CSMD1: variants seen among roughly 807,000 people sequenced by gnomAD.
CSMD1 encodes the protein CUB and Sushi multiple domains 1, also known as CUB and sushi domain-containing protein 1.
In CSMD1, 213 loss-of-function variants were observed where a neutral mutation model predicts 417.5. That is an observed-to-expected ratio of 0.51 (90% CI 0.46 to 0.57). The LOEUF is 0.57. CSMD1 is among the 20% of genes least tolerant of loss of function. CSMD1 has a pLI of 0.00. For synonymous variants in CSMD1, 2,862 were observed against 1,736.8 expected, an observed-to-expected ratio of 1.65 and a Z score of -16.11; for missense variants, 6,923 against 4,529.7, an observed-to-expected ratio of 1.53 and a Z score of -15.17.
chr8:3,302,607 C>A (rs925816469), intron 25 of CSMD1, among the ~76,000 whole-genome samples: 3 of 152,216 alleles, frequency 2.0e-5, no homozygotes, highest in Admixed American at 1.3e-4. Context: ...GAAGACAACA[C>A]AACTACCCTC....
In CSMD1 at chr8:3,917,866, G is replaced by A. The variant is rs563907058; in HGVS notation, c.818+80037C>T. Among the ~76,000 whole-genome samples, 46 of 151,946 alleles carry A rather than the reference G, an allele frequency of 3.0e-4. No homozygotes were observed. In the South Asian group the frequency reaches 9.6e-3, roughly 32 times the overall value. ...AAGATCTACATGCTTAGAAATTTTA[G>A]GCCTTTAAAATTTTACTTAAATTTT... On this transcript the variant is annotated intron_variant, in intron 5 of 69. Coordinates refer to ENST00000635120, the MANE Select transcript of CSMD1 (RefSeq NM_033225.6).
intron 5 of CSMD1, among the ~76,000 whole-genome samples, chr8:3,840,430 T>G (rs570160210): frequency 6.6e-6 from 1 of 152,296 alleles, no homozygotes; most frequent in Admixed American, 6.5e-5. Context: ...TTTATTTTAT[T>G]GTGTTAGTAG....
intron 3 of CSMD1, among the ~76,000 whole-genome samples, chr8:4,354,870 GT>G (rs1801312650): frequency 4.3e-5 from 5 of 116,992 alleles, no homozygotes; most frequent in African/African-American, 2.8e-4. Flanking sequence ...AATGTAGTGT[GT>G]GTGTGTGTGT....
intron 3 of CSMD1, among the ~76,000 whole-genome samples, chr8:4,372,920 A>G (rs1003550622): frequency 2.6e-5 from 4 of 152,240 alleles, no homozygotes; most frequent in African/African-American, 9.6e-5. Flanking sequence ...TCCCTTAAGC[A>G]TGAGTAGCAC....
intron 3 of CSMD1, among the ~76,000 whole-genome samples, chr8:4,343,765 T>C (rs1361028423): frequency 2.6e-5 from 4 of 152,048 alleles, no homozygotes; most frequent in Non-Finnish European, 5.9e-5. Context: ...CTGGGGCTCA[T>C]CTTTCTCATC....
At chr8:3,804,043 T>C (rs1287147013) in intron 5 of CSMD1, among the ~76,000 whole-genome samples, 1 of 152,148 alleles carries the variant, frequency 6.6e-6, no homozygotes, top group African/African-American at 2.4e-5. Flanking sequence ...TTCTTCTTCC[T>C]CAGCCTCTGA....
At chr8:3,028,984 A>G (rs140149878) in intron 51 of CSMD1, among the ~76,000 whole-genome samples, 21 of 152,314 alleles carry the variant, frequency 1.4e-4, no homozygotes, top group African/African-American at 4.8e-4. Context: ...CAAGATCCCA[A>G]TTAGAACTCT....
chr8:3,670,498 T>C (rs1426215257), intron 7 of CSMD1, among the ~76,000 whole-genome samples: 1 of 138,566 alleles, frequency 7.2e-6, no homozygotes, highest in Non-Finnish European at 1.6e-5. Flanking sequence ...CGTATATATA[T>C]CCCATATATA....
chr8:3,488,915 T>C (rs1001860513), intron 11 of CSMD1, among the ~76,000 whole-genome samples: 3 of 151,912 alleles, frequency 2.0e-5, no homozygotes, highest in Non-Finnish European at 4.4e-5. Context: ...CTAATCATGT[T>C]TTCTGATTTT....
chr8:3,255,673 C>T (rs374587429), intron 26 of CSMD1, among the ~76,000 whole-genome samples: 49 of 152,314 alleles, frequency 3.2e-4, no homozygotes, highest in African/African-American at 8.7e-4. Context: ...GAGCCATGCA[C>T]GGGATATAAT....
At chr8:4,367,593 C>G (rs1490958778) in intron 3 of CSMD1, among the ~76,000 whole-genome samples, 1 of 152,022 alleles carries the variant, frequency 6.6e-6, no homozygotes, top group Non-Finnish European at 1.5e-5. Context: ...TTTTCTAATT[C>G]TGTAAAAAAT....
At chr8:4,660,010 A>C (rs998452692) in intron 1 of CSMD1, among the ~76,000 whole-genome samples, 11 of 151,890 alleles carry the variant, frequency 7.2e-5, no homozygotes, top group African/African-American at 2.7e-4. Flanking sequence ...TTGTAACTAT[A>C]ATTATACTTA....
Position 3,018,617 on chromosome 8 carries a change from T to C in CSMD1, c.7889A>G (p.Asn2630Ser). Reference sequence around the variant, plus strand: ...TGTCAACGTTCCAATCTTGTTGCCATTTGGGGGAAAGGAAAGGCTTCCACA... The same window carrying C: ...TGTCAACGTTCCAATCTTGTTGCCACTTGGGGGAAAGGAAAGGCTTCCACA... ...ISCGSLSFPP[N>S]GNKIGTLTVY... is the part of the protein sequence containing the mutation. The change falls in exon 52 of 70, where the codon AAT becomes AGT. Residue 2630 changes from asparagine to serine, a missense_variant. Physicochemically the swap from Asn to Ser is conservative, Grantham distance 46. Coordinates refer to ENST00000635120, the MANE Select transcript of CSMD1 (RefSeq NM_033225.6). 6.2e-7 allele frequency: 1 copy of C among 1,612,202 alleles called. No individual in the cohort carries two copies. Among genetic ancestry groups the C allele is most frequent in the Non-Finnish European group, 8.5e-7 (1 of 1,179,138 alleles).
At chr8:3,534,749 G>T (rs540734241) in intron 10 of CSMD1, among the ~76,000 whole-genome samples, 1 of 152,278 alleles carries the variant, frequency 6.6e-6, no homozygotes, top group South Asian at 2.1e-4. Context: ...TCCAGGTTGA[G>T]CATATGGCAT....
chr8:4,846,276 T>C (rs924429508), intron 1 of CSMD1, among the ~76,000 whole-genome samples: 24 of 152,206 alleles, frequency 1.6e-4, no homozygotes, highest in Non-Finnish European at 2.9e-4. Flanking sequence ...TGAAGTAAGA[T>C]CTTTAACTTG....
rs796321669 is a variant in CSMD1 at position 4,003,423 on chromosome 8, T to C, written c.611-5313A>G. Among the ~76,000 whole-genome samples, 794 of 124,302 alleles carry C rather than the reference T, an allele frequency of 6.4e-3. 9 individuals carry two copies. The highest frequency in any genetic ancestry group is 0.022 in the African/African-American group (721 of 33,190). 81.5% of individuals were successfully genotyped at this position (124,302 alleles called of 152,430 possible). A position where few individuals can be genotyped will look rare whatever the true frequency, so the allele number is the denominator to read the frequency against. ...ACAAACAAACAAAAAAACAAACAAA[T>C]AAATAAATAAATAAATAGATAAGTA... On this transcript the variant is annotated intron_variant, in intron 4 of 69. Transcript: ENST00000635120.
intron 5 of CSMD1, among the ~76,000 whole-genome samples, chr8:3,834,475 G>T (rs911643575): frequency 2.6e-5 from 4 of 152,300 alleles, no homozygotes; most frequent in Middle Eastern, 3.4e-3. Flanking sequence ...CATGTGTGTT[G>T]TTCCAGGTCA....
At chr8:4,754,053 G>A (rs1294714256) in intron 1 of CSMD1, among the ~76,000 whole-genome samples, 2 of 151,992 alleles carry the variant, frequency 1.3e-5, no homozygotes, top group Non-Finnish European at 2.9e-5. Flanking sequence ...AACATAAAAG[G>A]AAAAATGTAT....
intron 7 of CSMD1, among the ~76,000 whole-genome samples, chr8:3,687,337 G>A (rs1018698138): frequency 1.3e-5 from 2 of 152,182 alleles, no homozygotes; most frequent in Admixed American, 6.5e-5. Flanking sequence ...TAAGGCTGCA[G>A]AAGGCTGACT....
Sources: gnomAD v4.1 joint callset for allele counts (sites outside exome capture counted in the v4.1 genomes callset) on GRCh38, gnomAD v4.1.1 for gene constraint, MANE v1.5 for transcripts, NCBI Gene and HGNC (gene_info 2026-07-23, HGNC 2026-07-21) for gene names.